ATP13A5: variants seen among roughly 807,000 people sequenced by gnomAD.
The protein encoded by ATP13A5 is probable cation-transporting ATPase 13A5.
Under a neutral mutation model 150.2 loss-of-function variants are expected in ATP13A5, and 149 were observed. That is an observed-to-expected ratio of 0.99 (90% CI 0.87 to 1.14). The LOEUF is 1.14. ATP13A5 is among the 50% of genes most tolerant of loss of function. The pLI is 0.00. For synonymous variants in ATP13A5, 497 were observed against 522.2 expected (o/e 0.95, Z 0.66); for missense variants, 1,383 against 1,449.3 (o/e 0.95, Z 0.74).
chr3:193,279,036 A>C (rs185149932), intron 28 of ATP13A5, among the ~76,000 whole-genome samples: 5 of 152,274 alleles, frequency 3.3e-5, no homozygotes, highest in Admixed American at 3.3e-4. Context: ...TTTCTATGAT[A>C]TGGTTTATTT....
chr3:193,341,045 C>A (rs1712099690), intron 9 of ATP13A5, among the ~76,000 whole-genome samples: 1 of 152,088 alleles, frequency 6.6e-6, no homozygotes, highest in African/African-American at 2.4e-5. Flanking sequence ...TTTGCCCACT[C>A]TAATAGAGTT....
intron 3 of ATP13A5, among the ~76,000 whole-genome samples, 188 bp from the exon 4 acceptor site, chr3:193,362,825 C>CTT (rs1713085852): frequency 6.6e-6 from 1 of 151,168 alleles, no homozygotes; most frequent in African/African-American, 2.4e-5. Context: ...GACAGGGTCT[C>CTT]ACTCTGTCAC....
chr3:193,319,327 C>T (rs561317847), intron 16 of ATP13A5, among the ~76,000 whole-genome samples: 5 of 152,298 alleles, frequency 3.3e-5, no homozygotes, highest in East Asian at 1.9e-4. Context: ...TCATTTACTG[C>T]GTTATGGATG....
chr3:193,364,308 T>C (rs747546181), intron 1 of ATP13A5, 28 bp from the exon 2 acceptor site: 4 of 1,597,684 alleles, frequency 2.5e-6, no homozygotes, highest in Non-Finnish European at 3.4e-6. Flanking sequence ...AAGATCGCTC[T>C]ATTTTTCTTT....
intron 25 of ATP13A5, among the ~76,000 whole-genome samples, chr3:193,292,611 C>T (rs1242542993): frequency 6.6e-6 from 1 of 152,164 alleles, no homozygotes; most frequent in Non-Finnish European, 1.5e-5. Context: ...GTCCGTTCAA[C>T]CTGGCCTCAG....
intron 25 of ATP13A5, among the ~76,000 whole-genome samples, chr3:193,298,220 A>G (rs1256729684): frequency 6.6e-6 from 1 of 152,100 alleles, no homozygotes; most frequent in African/African-American, 2.4e-5. Flanking sequence ...CAAATAAATC[A>G]TGCAAATTGC....
intron 12 of ATP13A5, among the ~76,000 whole-genome samples, chr3:193,330,154 T>G (rs562851321): frequency 6.6e-6 from 1 of 152,248 alleles, no homozygotes; most frequent in South Asian, 2.1e-4. Context: ...GGCTTATTCT[T>G]TCTAACAACC....
intron 9 of ATP13A5, among the ~76,000 whole-genome samples, chr3:193,342,875 A>T (rs1294024405): frequency 6.6e-6 from 1 of 152,164 alleles, no homozygotes; most frequent in Admixed American, 6.6e-5. Flanking sequence ...CTTGGGCTTG[A>T]GGTTTACAGG....
At chr3:193,348,240 G>C (rs936894667) in intron 7 of ATP13A5, among the ~76,000 whole-genome samples, 2 of 152,184 alleles carry the variant, frequency 1.3e-5, no homozygotes, top group African/African-American at 4.8e-5. Flanking sequence ...TTCTGTCCCT[G>C]TTCAGCAGGA....
intron 23 of ATP13A5, among the ~76,000 whole-genome samples, chr3:193,304,987 A>C (rs547759516): frequency 2.6e-4 from 38 of 148,232 alleles, no homozygotes; most frequent in Non-Finnish European, 6.0e-5. Flanking sequence ...CTATCATGAG[A>C]ACAGCATCGG....
chr3:193,314,860 A>T, intron 18 of ATP13A5, 112 bp downstream of exon 18: 1 of 1,394,600 alleles, frequency 7.2e-7, no homozygotes, highest in South Asian at 1.4e-5. Flanking sequence ...AACAAATTCG[A>T]CAACAGAACA....
intron 12 of ATP13A5, among the ~76,000 whole-genome samples, chr3:193,327,871 T>A (rs1719523697): frequency 6.6e-6 from 1 of 152,218 alleles, no homozygotes; most frequent in African/African-American, 2.4e-5. Context: ...GCTTCAGCAC[T>A]GCCAGGGCCC....
At chr3:193,312,630 T>C (rs1431229690) in intron 19 of ATP13A5, 1 of 152,192 alleles carries the variant, frequency 6.6e-6, no homozygotes, top group Non-Finnish European at 1.5e-5. Flanking sequence ...ATATCAATAA[T>C]TAATCATGGT....
intron 6 of ATP13A5, among the ~76,000 whole-genome samples, chr3:193,352,176 CAT>C (rs1401944390): frequency 1.3e-5 from 2 of 152,188 alleles, no homozygotes; most frequent in Non-Finnish European, 2.9e-5. Flanking sequence ...AGTGAACTGA[CAT>C]GTGGTAAATA....
At chr3:193,358,967 T>A (rs1366771314) in intron 5 of ATP13A5, among the ~76,000 whole-genome samples, 2 of 152,152 alleles carry the variant, frequency 1.3e-5, no homozygotes, top group Non-Finnish European at 2.9e-5. Flanking sequence ...ATACTTTAAA[T>A]GGGCCAAGAT....
In ATP13A5 at chr3:193,322,961, C is replaced by A. The variant is rs569341434; in HGVS notation, c.1675-387G>T. Among the ~76,000 whole-genome samples, 8 of 152,258 alleles carry A rather than the reference C, an allele frequency of 5.3e-5. No homozygotes were observed. In the East Asian group the frequency reaches 1.2e-3, roughly 22 times the overall value. ...GGACTGGGTCCTGAGATAAACATGG[C>A]ACTAGTTCTTCATACTATACCTATG... On this transcript the variant is annotated intron_variant, in intron 14 of 29. Coordinates refer to ENST00000342358, the MANE Select transcript of ATP13A5 (RefSeq NM_198505.4).
intron 20 of ATP13A5, among the ~76,000 whole-genome samples, chr3:193,311,100 C>G (rs1450696465): frequency 2.0e-5 from 3 of 152,160 alleles, no homozygotes; most frequent in Non-Finnish European, 4.4e-5. Flanking sequence ...AGCTGAGAAA[C>G]AAGGCTCTGT....
chr3:193,305,937 T>C (rs1366929416), intron 22 of ATP13A5, among the ~76,000 whole-genome samples: 2 of 152,008 alleles, frequency 1.3e-5, no homozygotes, highest in Non-Finnish European at 2.9e-5. Flanking sequence ...GGGCCCTGCC[T>C]GTGGGGATTA....
At chr3:193,330,596 C>G (rs1039197902) in intron 12 of ATP13A5, among the ~76,000 whole-genome samples, 1 of 152,198 alleles carries the variant, frequency 6.6e-6, no homozygotes, top group Non-Finnish European at 1.5e-5. Context: ...GCAGTGTTCC[C>G]CATGTGGCAT....
Sources: allele counts gnomAD v4.1 joint callset (sites outside exome capture counted in the v4.1 genomes callset), GRCh38; gene constraint gnomAD v4.1.1; transcripts MANE v1.5; gene names NCBI Gene and HGNC (gene_info 2026-07-23, HGNC 2026-07-21).